NAALADL2: variants seen among roughly 807,000 people sequenced by gnomAD.
NAALADL2 encodes inactive N-acetylated-alpha-linked acidic dipeptidase-like protein 2.
Under a neutral mutation model 87.2 loss-of-function variants are expected in NAALADL2, and 76 were observed. The ratio of observed to expected loss-of-function variants is 0.87; its 90% CI spans 0.72 to 1.05. The LOEUF is 1.05. Among genes scored for constraint, NAALADL2 ranks in the 50% least tolerant of loss-of-function variants. The pLI, the probability that NAALADL2 is intolerant of heterozygous loss-of-function variation, is 0.00. For missense variants in NAALADL2, 1,089 were observed against 945.8 expected (o/e 1.15, Z -1.99); for synonymous variants, 354 against 331.0 (o/e 1.07, Z -0.75).
chr3:174,734,802 T>G (rs1483208200), intron 2 of NAALADL2, among the ~76,000 whole-genome samples: 2 of 152,182 alleles, frequency 1.3e-5, no homozygotes, highest in Non-Finnish European at 2.9e-5. Flanking sequence ...AGAAGGAATT[T>G]AAGACAAAAA....
intron 1 of NAALADL2, among the ~76,000 whole-genome samples, chr3:174,889,337 T>TAAAAAAGG (rs1272317380): frequency 6.6e-6 from 1 of 152,198 alleles, no homozygotes; most frequent in Non-Finnish European, 1.5e-5. Flanking sequence ...TATAATCTCT[T>TAAAAAAGG]TTAACTGCTT....
intron 5 of NAALADL2, among the ~76,000 whole-genome samples, chr3:175,440,674 G>A (rs1333039058): frequency 2.0e-5 from 3 of 152,026 alleles, no homozygotes; most frequent in African/African-American, 7.2e-5. Context: ...TTCTTGATTC[G>A]ATTCTCAGCT....
intron 1 of NAALADL2, among the ~76,000 whole-genome samples, chr3:174,514,710 T>A (rs1719814269): frequency 6.6e-6 from 1 of 152,168 alleles, no homozygotes; most frequent in Admixed American, 6.5e-5. Context: ...TTTTATAAAT[T>A]TTTTTCTATT....
At chr3:175,406,177 G>C (rs921639912) in intron 5 of NAALADL2, among the ~76,000 whole-genome samples, 1 of 152,222 alleles carries the variant, frequency 6.6e-6, no homozygotes, top group African/African-American at 2.4e-5. Flanking sequence ...TGGAGTGAAT[G>C]AGAAAGACGG....
upstream of NAALADL2, among the ~76,000 whole-genome samples, chr3:174,857,971 A>T (rs1726039627): frequency 6.6e-6 from 1 of 151,790 alleles, no homozygotes. Context: ...GTCAATTTTT[A>T]CATTAGTAAG....
intron 3 of NAALADL2, among the ~76,000 whole-genome samples, chr3:174,822,522 C>T (rs549863653): frequency 2.2e-4 from 34 of 152,164 alleles, no homozygotes; most frequent in African/African-American, 7.9e-4. Flanking sequence ...GTAACTGTTA[C>T]AGGAACACGT....
intron 2 of NAALADL2, among the ~76,000 whole-genome samples, chr3:174,672,917 A>T (rs199772449): frequency 0.81 from 122,528 of 151,496 alleles, 49,780 homozygotes; most frequent in East Asian, 0.93. Flanking sequence ...TGGCTTGTAC[A>T]CAGTGGCTTG....
chr3:175,250,091 A>T (rs1469097426), intron 3 of NAALADL2, among the ~76,000 whole-genome samples: 1 of 150,762 alleles, frequency 6.6e-6, no homozygotes, highest in East Asian at 2.0e-4. Flanking sequence ...AATCGCTTGA[A>T]CCCGGGAGTG....
At chr3:174,754,943 T>C (rs1419290640) in intron 3 of NAALADL2, among the ~76,000 whole-genome samples, 2 of 152,210 alleles carry the variant, frequency 1.3e-5, no homozygotes. Context: ...TTTTTAAGTT[T>C]ATATAACTAG....
chr3:174,675,853 C>A (rs1007461459), intron 2 of NAALADL2, among the ~76,000 whole-genome samples: 1 of 152,008 alleles, frequency 6.6e-6, no homozygotes, highest in Non-Finnish European at 1.5e-5. Flanking sequence ...ATATATTTAG[C>A]ACAGTAAATT....
chr3:175,537,378 A>G (rs532478297), intron 9 of NAALADL2, among the ~76,000 whole-genome samples: 15 of 152,324 alleles, frequency 9.8e-5, no homozygotes, highest in African/African-American at 3.6e-4. Flanking sequence ...TCTTTTGTGT[A>G]TGAGGGAAGA....
chr3:174,844,219 A>G (rs1027853788), intron 3 of NAALADL2, among the ~76,000 whole-genome samples: 3 of 152,066 alleles, frequency 2.0e-5, no homozygotes, highest in Non-Finnish European at 4.4e-5. Flanking sequence ...GGTTTTTGTC[A>G]TATTCTAGCA....
intron 9 of NAALADL2, among the ~76,000 whole-genome samples, chr3:175,538,075 T>A (rs2149461602): frequency 6.6e-6 from 1 of 152,298 alleles, no homozygotes; most frequent in East Asian, 1.9e-4. Flanking sequence ...ATTGTTGCCA[T>A]GTGGTTTAAT....
chr3:175,146,864 G>A (rs114532639), intron 2 of NAALADL2, among the ~76,000 whole-genome samples: 1,686 of 151,666 alleles, frequency 0.011, 22 homozygotes, highest in African/African-American at 0.037. Flanking sequence ...ATTTACTAAC[G>A]TCATTCAGGT....
chr3:175,488,879 C>G (rs565171603), intron 9 of NAALADL2, among the ~76,000 whole-genome samples: 1 of 152,116 alleles, frequency 6.6e-6, no homozygotes, highest in Admixed American at 6.6e-5. Flanking sequence ...TGGTTATAAG[C>G]CAGATATATA....
chr3:175,289,011 C>G (rs1018348466), intron 4 of NAALADL2, among the ~76,000 whole-genome samples: 1 of 152,014 alleles, frequency 6.6e-6, no homozygotes, highest in Non-Finnish European at 1.5e-5. Context: ...AACTTGATCT[C>G]TTTAGGGATT....
At chr3:174,624,017 A>T (rs1721302875) in intron 2 of NAALADL2, among the ~76,000 whole-genome samples, 1 of 152,172 alleles carries the variant, frequency 6.6e-6, no homozygotes, top group South Asian at 2.1e-4. Flanking sequence ...TTACAATAAT[A>T]TTTTTCTAAG....
intron 10 of NAALADL2, among the ~76,000 whole-genome samples, chr3:175,581,586 T>G (rs923276581): frequency 5.3e-5 from 8 of 152,218 alleles, no homozygotes; most frequent in Non-Finnish European, 1.2e-4. Context: ...TGACAAGTAT[T>G]TTTCTTTGGA....
intron 3 of NAALADL2, among the ~76,000 whole-genome samples, chr3:174,744,288 T>C (rs1255680788): frequency 6.6e-6 from 1 of 151,880 alleles, no homozygotes; most frequent in African/African-American, 2.4e-5. Flanking sequence ...AGAAGACTTA[T>C]GTCAGAGTGA....
Sources: gnomAD v4.1 joint callset for allele counts (sites outside exome capture counted in the v4.1 genomes callset) on GRCh38, gnomAD v4.1.1 for gene constraint, MANE v1.5 for transcripts, NCBI Gene and HGNC (gene_info 2026-07-23, HGNC 2026-07-21) for gene names.